CSMD1: variants seen among roughly 807,000 people sequenced by gnomAD.
The protein encoded by CSMD1 is CUB and Sushi multiple domains 1, also known as CUB and sushi domain-containing protein 1.
CSMD1 carries 213 observed loss-of-function variants against 417.5 expected under a neutral mutation model. The ratio of observed to expected loss-of-function variants is 0.51; its 90% CI spans 0.46 to 0.57. The LOEUF is 0.57. Among genes scored for constraint, CSMD1 ranks in the 20% least tolerant of loss-of-function variants. The pLI is 0.00. For synonymous variants in CSMD1, 2,862 were observed against 1,736.8 expected (o/e 1.65, Z -16.11); for missense variants, 6,923 against 4,529.7 (o/e 1.53, Z -15.17).
chr8:4,787,520 G>A (rs1351655241), intron 1 of CSMD1: 19 of 1,103,742 alleles, frequency 1.7e-5, no homozygotes, highest in East Asian at 4.8e-5. Flanking sequence ...GTTATTATAG[G>A]AAGCAGGTAT....
intron 12 of CSMD1, among the ~76,000 whole-genome samples, chr8:3,436,815 G>A (rs567813988): frequency 2.0e-5 from 3 of 152,158 alleles, no homozygotes; most frequent in African/African-American, 7.2e-5. Flanking sequence ...ACTGTCCATG[G>A]CTATAGATTT....
chr8:4,195,644 G>C (rs954405218), intron 3 of CSMD1, among the ~76,000 whole-genome samples: 1 of 152,136 alleles, frequency 6.6e-6, no homozygotes, highest in Non-Finnish European at 1.5e-5. Context: ...TGGAGTTATC[G>C]ATGCTCCTTC....
intron 2 of CSMD1, among the ~76,000 whole-genome samples, chr8:4,623,101 C>G (rs900541209): frequency 6.6e-6 from 1 of 151,992 alleles, no homozygotes; most frequent in Non-Finnish European, 1.5e-5. Context: ...ATATTTCAGT[C>G]AAAGAACTCG....
At chr8:3,075,190 C>T (rs1006081421) in intron 49 of CSMD1, among the ~76,000 whole-genome samples, 6 of 152,116 alleles carry the variant, frequency 3.9e-5, no homozygotes, top group African/African-American at 9.7e-5. Flanking sequence ...TACTTCCTGT[C>T]CAGCCGGAGA....
intron 6 of CSMD1, among the ~76,000 whole-genome samples, chr8:3,726,178 C>T (rs2623751): frequency 6.6e-6 from 1 of 152,122 alleles, no homozygotes; most frequent in Non-Finnish European, 1.5e-5. Context: ...CCACACGAAT[C>T]AGCTCTTGGA....
At chr8:4,806,357 A>G (rs1327682944) in intron 1 of CSMD1, among the ~76,000 whole-genome samples, 1 of 152,142 alleles carries the variant, frequency 6.6e-6, no homozygotes, top group Non-Finnish European at 1.5e-5. Context: ...TCAGCGTTGC[A>G]GTATTGAACT....
chr8:4,707,115 A>T (rs1473523671), intron 1 of CSMD1, among the ~76,000 whole-genome samples: 1 of 152,234 alleles, frequency 6.6e-6, no homozygotes, highest in Non-Finnish European at 1.5e-5. Flanking sequence ...CAGATACTAA[A>T]TACAGCCAGA....
chr8:3,033,918 G>A (rs183454899), intron 50 of CSMD1, among the ~76,000 whole-genome samples: 2 of 152,180 alleles, frequency 1.3e-5, no homozygotes, highest in Non-Finnish European at 2.9e-5. Context: ...GTTGTAACAA[G>A]GAGTTGAGTC....
intron 41 of CSMD1, among the ~76,000 whole-genome samples, chr8:3,135,075 C>A (rs1360674207): frequency 6.6e-6 from 1 of 152,150 alleles, no homozygotes; most frequent in Non-Finnish European, 1.5e-5. Context: ...GGGTGTCCAA[C>A]ACCACGCCCA....
chr8:3,775,379 G>C lies in CSMD1; in HGVS notation c.819-21337C>G, dbSNP rs533871147. On this transcript the variant is annotated intron_variant, in intron 5 of 69. Transcript: ENST00000635120. ...CCATCTAGCAGACACAGCATAGCAG[G>C]TAACAGGCCCAGGTACCTGACTCAA... Among the ~76,000 whole-genome samples, 98 of 152,262 alleles carry C rather than the reference G, an allele frequency of 6.4e-4. 1 individual carries two copies. The highest frequency in any genetic ancestry group is 2.3e-3 in the African/African-American group (95 of 41,532).
At chr8:4,657,184 T>C (rs1194743682) in intron 1 of CSMD1, among the ~76,000 whole-genome samples, 1 of 151,980 alleles carries the variant, frequency 6.6e-6, no homozygotes. Context: ...CAGAATACAC[T>C]CTCAGAAAAG....
intron 11 of CSMD1, among the ~76,000 whole-genome samples, chr8:3,485,028 A>G (rs929404429): frequency 1.1e-4 from 16 of 152,190 alleles, no homozygotes; most frequent in African/African-American, 3.9e-4. Flanking sequence ...TAAACATACA[A>G]CCAACATACA....
rs555399918 is a variant in CSMD1 at position 4,949,408 on chromosome 8, C to A, written c.85+44924G>T. ...TCTATACCTTCAACATGTGGTGAAA[C>A]TTTCCTGGAAAATTATTTGAGTATG... is the stretch of plus-strand genomic sequence containing the variant. On this transcript the variant is annotated intron_variant, in intron 1 of 69. Coordinates refer to ENST00000635120, the MANE Select transcript of CSMD1 (RefSeq NM_033225.6). Among the ~76,000 whole-genome samples the A allele has an allele frequency of 5.3e-5, 8 of 152,266 alleles. 1 individual carries two copies. In the South Asian group the frequency reaches 1.4e-3, roughly 28 times the overall value.
At chr8:3,835,498 C>T (rs997689018) in intron 5 of CSMD1, among the ~76,000 whole-genome samples, 1 of 151,848 alleles carries the variant, frequency 6.6e-6, no homozygotes. Context: ...TGTTCTCACT[C>T]ATAGCTGGGA....
In CSMD1 at chr8:3,343,390, G is replaced by C. The variant is rs372151098; in HGVS notation, c.3535C>G (p.Leu1179Val). Residue 1179 changes from leucine (L) to valine (V), a missense_variant, in exon 23 of 70, where the codon CTG becomes GTG. Coordinates refer to ENST00000635120, the MANE Select transcript of CSMD1 (RefSeq NM_033225.6). Reference sequence around the variant, plus strand: ...GATGTGCTGTTTAGGATCAGCCCCAGAAGTTCATTTTTAGTGAACGTGCCC... The same window carrying C: ...GATGTGCTGTTTAGGATCAGCCCCACAAGTTCATTTTTAGTGAACGTGCCC... ...PLGTFTKNEL[L>V]GLILNSTSNH... 2 of 1,613,684 alleles carry C rather than the reference G, an allele frequency of 1.2e-6. No individual in the cohort carries two copies. Among genetic ancestry groups the C allele is most frequent in the Admixed American group, 1.7e-5 (1 of 59,994 alleles).
intron 3 of CSMD1, among the ~76,000 whole-genome samples, chr8:4,281,023 A>C (rs1796752487): frequency 6.6e-6 from 1 of 152,300 alleles, no homozygotes; most frequent in Non-Finnish European, 1.5e-5. Flanking sequence ...AGTGAGTTTT[A>C]AAATTCTGTT....
At chr8:3,899,215 G>C (rs575254227) in intron 5 of CSMD1, among the ~76,000 whole-genome samples, 1 of 152,120 alleles carries the variant, frequency 6.6e-6, no homozygotes, top group South Asian at 2.1e-4. Flanking sequence ...AACACAGGAC[G>C]GACAAGAGCA....
chr8:3,265,568 G>T (rs1335111777), intron 26 of CSMD1, among the ~76,000 whole-genome samples: 1 of 152,198 alleles, frequency 6.6e-6, no homozygotes, highest in Non-Finnish European at 1.5e-5. Flanking sequence ...CTGGGAATTT[G>T]AAGGCTCAAA....
intron 26 of CSMD1, among the ~76,000 whole-genome samples, chr8:3,255,378 C>A (rs764442830): frequency 2.6e-5 from 4 of 152,136 alleles, no homozygotes; most frequent in African/African-American, 9.7e-5. Context: ...CTGGGAGAAC[C>A]ACTACTCTAT....
Sources: gnomAD v4.1 joint callset for allele counts (sites outside exome capture counted in the v4.1 genomes callset) on GRCh38, gnomAD v4.1.1 for gene constraint, MANE v1.5 for transcripts, NCBI Gene and HGNC (gene_info 2026-07-23, HGNC 2026-07-21) for gene names.